TLK1: variants seen among roughly 807,000 people sequenced by gnomAD.
TLK1 encodes the protein tousled like kinase 1, also known as serine/threonine-protein kinase tousled-like 1.
TLK1 carries 24 observed loss-of-function variants against 105.3 expected under a neutral mutation model. That is an observed-to-expected ratio of 0.23 (90% CI 0.17 to 0.32). The LOEUF (loss-of-function observed/expected upper bound fraction) is 0.32, where lower values mean the gene tolerates loss of function less well. TLK1 is among the 10% of genes least tolerant of loss of function. The pLI is 1.00. For synonymous variants in TLK1, 321 were observed against 310.4 expected, an observed-to-expected ratio of 1.03 and a Z score of -0.36; for missense variants, 558 against 910.5, an observed-to-expected ratio of 0.61 and a Z score of 4.98.
At chr2:171,082,904 G>A in intron 2 of TLK1, 52 bp from the exon 3 acceptor site, 1 of 1,266,756 alleles carries the variant, frequency 7.9e-7, no homozygotes, top group Non-Finnish European at 1.1e-6. Flanking sequence ...TTTTAAAGCA[G>A]CGGGAATAAT....
intron 2 of TLK1, among the ~76,000 whole-genome samples, chr2:171,088,165 T>C (rs1689065119): frequency 1.3e-5 from 2 of 151,632 alleles, no homozygotes; most frequent in Non-Finnish European, 1.5e-5. Flanking sequence ...ACCCTGTCCC[T>C]ACAGAGGAAA....
Position 171,053,820 on chromosome 2 carries a change from C to A in TLK1, c.673G>T (p.Glu225Ter). 6.2e-7 allele frequency: 1 copy of A among 1,609,852 alleles called. No individual in the cohort carries two copies. The highest frequency in any genetic ancestry group is 8.5e-7 in the Non-Finnish European group (1 of 1,178,018). ...DLTMLKLAAL[E>*]SNKIQDLEKK... Reference sequence around the variant, plus strand: ...TCCAGGTCCTGGATTTTATTACTTTCTAATGCTGCTAATTTCAGCATTGTG... The same window carrying A: ...TCCAGGTCCTGGATTTTATTACTTTATAATGCTGCTAATTTCAGCATTGTG... The change falls in exon 8 of 21, where the codon GAA (glutamate) becomes TAA (stop). Residue 225 changes from glutamate to a stop codon, truncating the protein, a stop_gained. Transcript: ENST00000431350. LOFTEE classifies it high-confidence loss of function.
chr2:171,052,883 CTTAAA>C (rs1171606210), intron 8 of TLK1, among the ~76,000 whole-genome samples: 4 of 152,162 alleles, frequency 2.6e-5, no homozygotes, highest in Admixed American at 6.5e-5. Context: ...TCAATGCTGT[CTTAAA>C]TTAAAGTTAT....
At chr2:171,117,193 G>C (rs914211961) in intron 2 of TLK1, among the ~76,000 whole-genome samples, 1 of 152,198 alleles carries the variant, frequency 6.6e-6, no homozygotes, top group Non-Finnish European at 1.5e-5. Flanking sequence ...CTCATAAGGA[G>C]TGCACAACCT....
At chr2:171,050,875 AG>A (rs1244589836) in intron 8 of TLK1, among the ~76,000 whole-genome samples, 1 of 152,216 alleles carries the variant, frequency 6.6e-6, no homozygotes, top group Non-Finnish European at 1.5e-5. Context: ...ATCAGGTCTC[AG>A]GAAGGACCTG....
rs1363626784 is a variant in TLK1, at chr2:170,992,797, A to G, written c.*983T>C. 2 of 152,644 alleles carry G rather than the reference A, an allele frequency of 1.3e-5. No individual in the cohort carries two copies. The highest frequency in any genetic ancestry group is 4.1e-4 in the South Asian group (2 of 4,834). 9.5% of individuals were successfully genotyped at this position (152,644 alleles called of 1,614,324 possible). On this transcript the variant is annotated 3_prime_UTR_variant, in exon 21 of 21. Transcript: ENST00000431350. ...TAGAGTGCCTTCAAGAAGACTTAAAAAAAATACAATATCCAATTAGAAAAG... is the reference window on the plus strand; with the variant it reads ...TAGAGTGCCTTCAAGAAGACTTAAAGAAAATACAATATCCAATTAGAAAAG...
rs1691446035 is a variant in TLK1, at chr2:171,138,730, A to C, written c.140-20873T>G. On this transcript the variant is annotated intron_variant, in intron 1 of 20. Transcript: ENST00000431350. ...GCTTAATCTCTTGGTAATCAAATAT[A>C]TGTAGTAAGTAAAATAACATGTAAT... 2.6e-5 allele frequency among the ~76,000 whole-genome samples: 4 copies of C among 152,298 alleles called. No homozygotes were observed. The South Asian group carries it at 8.3e-4, about 32-fold the overall frequency.
chr2:171,058,545 G>A (rs1687607772), intron 4 of TLK1, among the ~76,000 whole-genome samples: 1 of 152,026 alleles, frequency 6.6e-6, no homozygotes, highest in Non-Finnish European at 1.5e-5. Flanking sequence ...CATGATTCCT[G>A]TCAAACTGAC....
rs562979003 is a variant in TLK1 at position 171,132,760 on chromosome 2, A to G, written c.140-14903T>C. 4.6e-5 allele frequency among the ~76,000 whole-genome samples: 7 copies of G among 152,290 alleles called. No individual in the cohort carries two copies. In the East Asian group the frequency reaches 1.4e-3, roughly 29 times the overall value. On this transcript the variant is annotated intron_variant, in intron 1 of 20. Coordinates refer to ENST00000431350, the MANE Select transcript of TLK1 (RefSeq NM_012290.5). Reference sequence around the variant, plus strand: ...TGGGTGGGGTGATCCCAACTACTCAAGAGATTGAGGTGGGAGAATCCCTTG... The same window carrying G: ...TGGGTGGGGTGATCCCAACTACTCAGGAGATTGAGGTGGGAGAATCCCTTG...
intron 1 of TLK1, among the ~76,000 whole-genome samples, chr2:171,185,460 G>A (rs574816908): frequency 6.2e-4 from 94 of 152,214 alleles, no homozygotes; most frequent in Non-Finnish European, 1.2e-3. Context: ...TATCTCACCA[G>A]TGTTATCTCC....
chr2:170,994,052 A>G (rs555202901), intron 20 of TLK1, 96 bp from the exon 21 acceptor site: 18 of 1,294,570 alleles, frequency 1.4e-5, no homozygotes, highest in Admixed American at 5.6e-5. Context: ...CATTTAAGAC[A>G]TAAGTAGATC....
intron 11 of TLK1, among the ~76,000 whole-genome samples, chr2:171,028,850 A>G (rs867754310): frequency 1.8e-4 from 28 of 152,226 alleles, no homozygotes; most frequent in African/African-American, 6.3e-4. Context: ...GATGAAATAA[A>G]TAAGTTTAAG....
chr2:171,067,806 C>T (rs896265465), intron 3 of TLK1, among the ~76,000 whole-genome samples: 1 of 151,954 alleles, frequency 6.6e-6, no homozygotes, highest in Non-Finnish European at 1.5e-5. Flanking sequence ...GTCCCCCCAA[C>T]CGCCCTGCCC....
chr2:171,049,991 T>C, intron 9 of TLK1, 41 bp from the exon 10 acceptor site: 1 of 1,612,070 alleles, frequency 6.2e-7, no homozygotes, highest in Non-Finnish European at 8.5e-7. Flanking sequence ...TTGTATTCAT[T>C]AATTTATAAA....
intron 3 of TLK1, among the ~76,000 whole-genome samples, chr2:171,072,499 TG>T (rs1688308650): frequency 6.6e-6 from 1 of 151,964 alleles, no homozygotes; most frequent in African/African-American, 2.4e-5. Flanking sequence ...GGCTCACACC[TG>T]TAATTCTAGC....
chr2:171,164,485 C>G (rs923318054), upstream of TLK1, among the ~76,000 whole-genome samples: 7 of 151,924 alleles, frequency 4.6e-5, no homozygotes, highest in Non-Finnish European at 8.8e-5. Flanking sequence ...GAGACCCCAT[C>G]TCTTAAAAAG....
intron 3 of TLK1, among the ~76,000 whole-genome samples, chr2:171,067,296 A>G (rs1688045126): frequency 6.7e-6 from 1 of 149,940 alleles, no homozygotes; most frequent in Non-Finnish European, 1.5e-5. Context: ...AGTAGCTGGG[A>G]CTACAGGCAC....
At chr2:171,190,166 T>C (rs1222996845) in intron 1 of TLK1, among the ~76,000 whole-genome samples, 2 of 152,112 alleles carry the variant, frequency 1.3e-5, no homozygotes, top group African/African-American at 4.8e-5. Context: ...GTTGCTGGAG[T>C]GGCAAGGGTT....
At chr2:171,197,769 ACT>A (rs68077033) in intron 1 of TLK1, among the ~76,000 whole-genome samples, 49,972 of 151,858 alleles carry the variant, frequency 0.33, 8,557 homozygotes, top group Middle Eastern at 0.38. Flanking sequence ...ACAGAGTGAG[ACT>A]CTGTCTCAAA....
Sources: allele counts gnomAD v4.1 joint callset (sites outside exome capture counted in the v4.1 genomes callset), GRCh38; gene constraint gnomAD v4.1.1; transcripts MANE v1.5; gene names NCBI Gene and HGNC (gene_info 2026-07-23, HGNC 2026-07-21).